Variants in ATP8B4 observed in about 807,000 individuals in gnomAD.
ATP8B4 encodes the protein probable phospholipid-transporting ATPase IM.
Under a neutral mutation model 145.6 loss-of-function variants are expected in ATP8B4, and 133 were observed. The observed-to-expected ratio is 0.91, with a 90% CI of 0.79 to 1.05. ATP8B4 has a LOEUF of 1.05. Among genes scored for constraint, ATP8B4 ranks in the 50% least tolerant of loss-of-function variants. The pLI is 0.00. For synonymous variants in ATP8B4, 507 were observed against 492.9 expected (o/e 1.03, Z -0.38); for missense variants, 1,458 against 1,425.2 (o/e 1.02, Z -0.37).
intron 15 of ATP8B4, among the ~76,000 whole-genome samples, chr15:49,933,036 C>T (rs2041403716): frequency 6.6e-6 from 1 of 151,968 alleles, no homozygotes; most frequent in Non-Finnish European, 1.5e-5. Flanking sequence ...TAAAATGTTT[C>T]TACATTAGAA....
chr15:50,070,441 C>A (rs1422250377), intron 3 of ATP8B4, among the ~76,000 whole-genome samples: 1 of 152,126 alleles, frequency 6.6e-6, no homozygotes, highest in Non-Finnish European at 1.5e-5. Context: ...TGATTATCCC[C>A]AACATATAGC....
chr15:49,891,399 C>T lies in ATP8B4; in HGVS notation c.2697+5893G>A, dbSNP rs185688583. Among the ~76,000 whole-genome samples the T allele has an allele frequency of 2.0e-3, 305 of 152,168 alleles. 1 individual carries two copies. The highest frequency in any genetic ancestry group is 6.8e-3 in the African/African-American group (281 of 41,502). ...GGAATGCAGTGGTGTGATCTCAGCT[C>T]ACTGCAACCTCCACCTCCCAGGTTC... On this transcript the variant is annotated intron_variant, in intron 23 of 27. Coordinates refer to ENST00000284509, the MANE Select transcript of ATP8B4 (RefSeq NM_024837.4).
rs151207788 is a variant in ATP8B4, at chr15:50,094,610, G to A, written c.28+12329C>T. Among the ~76,000 whole-genome samples the A allele has an allele frequency of 7.6e-3, 1,095 of 143,172 alleles. 12 individuals carry two copies. The highest frequency in any genetic ancestry group is 0.027 in the African/African-American group (1,059 of 39,156). The allele number at this position is 143,172 out of a possible 152,430, so 93.9% of individuals were successfully genotyped here. On this transcript the variant is annotated intron_variant, in intron 2 of 27. Transcript: ENST00000284509. ...TATATACAAATATACACATATATAC[G>A]TATATACACATATACGTGTATATAT...
intron 25 of ATP8B4, among the ~76,000 whole-genome samples, chr15:49,871,611 G>A (rs17487348): frequency 0.31 from 46,824 of 152,090 alleles, 8,516 homozygotes; most frequent in Middle Eastern, 0.45. Flanking sequence ...CAGAGTTGAA[G>A]GATAGGTGGA....
intron 8 of ATP8B4, among the ~76,000 whole-genome samples, chr15:50,001,219 A>G (rs188513229): frequency 3.2e-4 from 49 of 150,828 alleles, no homozygotes; most frequent in African/African-American, 1.2e-3. Context: ...TTTGGGGTTT[A>G]TTTTGCTGTT....
intron 2 of ATP8B4, among the ~76,000 whole-genome samples, chr15:50,087,318 T>C (rs1160573683): frequency 1.2e-5 from 1 of 80,596 alleles, no homozygotes; most frequent in Non-Finnish European, 2.2e-5. Context: ...ATATAATAGA[T>C]ATAGATCTAT....
chr15:49,996,328 T>G (rs2047421918), intron 9 of ATP8B4, among the ~76,000 whole-genome samples: 2 of 152,084 alleles, frequency 1.3e-5, no homozygotes, highest in Admixed American at 1.3e-4. Context: ...GGATGGGTGG[T>G]TAGACCTAGA....
intron 1 of ATP8B4, among the ~76,000 whole-genome samples, chr15:50,165,880 T>TA (rs2044589740): frequency 6.6e-6 from 1 of 151,566 alleles, no homozygotes; most frequent in Admixed American, 6.6e-5. Context: ...ACAGAACAGA[T>TA]AAAAAATTTG....
chr15:49,939,904 C>A (rs1254388358), intron 14 of ATP8B4, among the ~76,000 whole-genome samples: 1 of 152,136 alleles, frequency 6.6e-6, no homozygotes, highest in East Asian at 1.9e-4. Context: ...ACAACAGATG[C>A]TGGTGAGGAT....
At chr15:49,953,448 G>C (rs1381474378) in intron 14 of ATP8B4, among the ~76,000 whole-genome samples, 1 of 152,182 alleles carries the variant, frequency 6.6e-6, no homozygotes, top group African/African-American at 2.4e-5. Flanking sequence ...AGCTCACTGA[G>C]AAGGATGGGT....
chr15:49,903,876 A>T (rs2038323713), intron 20 of ATP8B4, among the ~76,000 whole-genome samples: 1 of 151,134 alleles, frequency 6.6e-6, no homozygotes, highest in Non-Finnish European at 1.5e-5. Context: ...CCTGGGCAAC[A>T]AGAGCAAAAC....
chr15:49,997,989 G>A (rs1055062411), intron 8 of ATP8B4, among the ~76,000 whole-genome samples: 2 of 152,098 alleles, frequency 1.3e-5, no homozygotes, highest in African/African-American at 4.8e-5. Flanking sequence ...TGGTATAGAG[G>A]CTAAAGGGCC....
intron 6 of ATP8B4, among the ~76,000 whole-genome samples, chr15:50,025,908 G>A (rs1415723543): frequency 1.3e-5 from 2 of 152,190 alleles, no homozygotes; most frequent in Non-Finnish European, 2.9e-5. Flanking sequence ...ATATAATAGA[G>A]TGCTATTATC....
chr15:50,143,629 G>A (rs1567405183), intron 1 of ATP8B4, among the ~76,000 whole-genome samples: 1 of 152,216 alleles, frequency 6.6e-6, no homozygotes, highest in South Asian at 2.1e-4. Context: ...CACAGTGCAT[G>A]AGTACCAGGC....
At chr15:49,984,740 C>T (rs1261620098) in intron 10 of ATP8B4, among the ~76,000 whole-genome samples, 2 of 151,864 alleles carry the variant, frequency 1.3e-5, no homozygotes, top group Non-Finnish European at 2.9e-5. Flanking sequence ...TTAGTATAAA[C>T]CATACAAATA....
chr15:50,007,641 T>C (rs1409339421), intron 7 of ATP8B4, among the ~76,000 whole-genome samples: 1 of 152,220 alleles, frequency 6.6e-6, no homozygotes, highest in Non-Finnish European at 1.5e-5. Context: ...ATGACCTTCA[T>C]GACCTGGTTT....
intron 13 of ATP8B4, among the ~76,000 whole-genome samples, chr15:49,971,822 A>T (rs534143326): frequency 6.6e-6 from 1 of 152,162 alleles, no homozygotes; most frequent in Non-Finnish European, 1.5e-5. Flanking sequence ...ACATGCACAC[A>T]TATGTTTACT....
At chr15:49,898,891 T>G (rs1356413110) in intron 21 of ATP8B4, among the ~76,000 whole-genome samples, 1 of 152,186 alleles carries the variant, frequency 6.6e-6, no homozygotes, top group Non-Finnish European at 1.5e-5. Context: ...AGCCTTTAGC[T>G]ATACCAAGAA....
intron 21 of ATP8B4, among the ~76,000 whole-genome samples, chr15:49,900,084 C>T (rs1027183684): frequency 1.3e-5 from 2 of 152,134 alleles, no homozygotes; most frequent in Non-Finnish European, 2.9e-5. Context: ...GCTTTAAGAC[C>T]CAGATGACAG....
Sources: gnomAD v4.1 joint callset for allele counts (sites outside exome capture counted in the v4.1 genomes callset) on GRCh38, gnomAD v4.1.1 for gene constraint, MANE v1.5 for transcripts, NCBI Gene and HGNC (gene_info 2026-07-23, HGNC 2026-07-21) for gene names.